UCK2: variants seen among roughly 807,000 people sequenced by gnomAD.
The protein encoded by UCK2 is uridine-cytidine kinase 2.
In UCK2, 6 loss-of-function variants were observed where a neutral mutation model predicts 30.8. The ratio of observed to expected loss-of-function variants is 0.19; its 90% confidence interval spans 0.11 to 0.38. The LOEUF (loss-of-function observed/expected upper bound fraction) is 0.38, where lower values mean the gene tolerates loss of function less well. Among genes scored for constraint, UCK2 ranks in the 10% least tolerant of loss-of-function variants. The pLI, the probability that UCK2 is intolerant of heterozygous loss-of-function variation, is 1.00. For missense variants in UCK2, 210 were observed against 339.8 expected (o/e 0.62, Z 3.00); for synonymous variants, 125 against 133.6 (o/e 0.94, Z 0.45).
At chr1:165,857,344 T>C (rs931428593) in intron 1 of UCK2, among the ~76,000 whole-genome samples, 5 of 152,170 alleles carry the variant, frequency 3.3e-5, no homozygotes, top group Admixed American at 6.5e-5. Context: ...AAACATTGAG[T>C]GTCTGTTGTA....
intron 4 of UCK2, among the ~76,000 whole-genome samples, chr1:165,896,771 C>T (rs913090685): frequency 6.6e-6 from 1 of 152,190 alleles, no homozygotes; most frequent in Non-Finnish European, 1.5e-5. Context: ...GCCTGCTTCT[C>T]TAGCCCTTTA....
chr1:165,864,711 A>T (rs1655004903), intron 1 of UCK2, among the ~76,000 whole-genome samples: 1 of 151,954 alleles, frequency 6.6e-6, no homozygotes, highest in Non-Finnish European at 1.5e-5. Flanking sequence ...ACACAGTCTT[A>T]CTCTTTCACT....
intron 4 of UCK2, 76 bp downstream of exon 4, chr1:165,896,408 C>T: frequency 6.5e-7 from 1 of 1,545,458 alleles, no homozygotes; most frequent in South Asian, 1.2e-5. Context: ...TGTGACAGGA[C>T]CCCACCCGCC....
At chr1:165,881,908 A>G (rs909287684) in intron 1 of UCK2, among the ~76,000 whole-genome samples, 2 of 152,242 alleles carry the variant, frequency 1.3e-5, no homozygotes, top group Non-Finnish European at 2.9e-5. Context: ...GTGACTGTTG[A>G]TCAGCCAGAA....
At chr1:165,868,602 G>T (rs903706928) in intron 1 of UCK2, among the ~76,000 whole-genome samples, 9 of 152,190 alleles carry the variant, frequency 5.9e-5, no homozygotes, top group African/African-American at 2.2e-4. Context: ...GCCTCTGTTA[G>T]CTTCAAACTT....
chr1:165,829,193 G>A (rs1312081871), intron 1 of UCK2, among the ~76,000 whole-genome samples: 3 of 152,110 alleles, frequency 2.0e-5, no homozygotes, highest in Non-Finnish European at 4.4e-5. Context: ...CGTAGCTCCC[G>A]GGGTTAGGAA....
chr1:165,840,160 C>T (rs1009103740), intron 1 of UCK2, among the ~76,000 whole-genome samples: 2 of 152,206 alleles, frequency 1.3e-5, no homozygotes, highest in African/African-American at 4.8e-5. Flanking sequence ...CTCAAGTTAT[C>T]CCCCGGCATT....
In UCK2 at chr1:165,890,301, G is replaced by A; in HGVS notation, c.197G>A (p.Arg66His). Residue 66 changes from arginine to histidine, a missense_variant, in exon 2 of 7, where the codon CGT (arginine) becomes CAT (histidine). By Grantham distance (29) the Arg-to-His change is conservative. Around this residue, in one of 4 missense-constraint regions of UCK2, gnomAD observed 75 missense variants for 124.7 expected, o/e 0.60. Coordinates refer to ENST00000367879, the MANE Select transcript of UCK2 (RefSeq NM_012474.5). ...ATCCTGAGCCAGGATAGCTTCTACC[G>A]TGTCCTTACCTCGGAGCAGAAGGCC... ...VVILSQDSFY[R>H]VLTSEQKAKA... is the part of the protein sequence containing the mutation. 6.2e-7 allele frequency: 1 copy of A among 1,614,098 alleles called. No homozygotes were observed. Among genetic ancestry groups the A allele is most frequent in the Non-Finnish European group, 8.5e-7 (1 of 1,180,030 alleles).
intron 1 of UCK2, among the ~76,000 whole-genome samples, chr1:165,835,822 TCA>T (rs1334378334): frequency 2.6e-5 from 4 of 152,246 alleles, no homozygotes; most frequent in Non-Finnish European, 5.9e-5. Context: ...GGTCGTTCTA[TCA>T]CACGTGACAG....
chr1:165,860,340 T>G (rs1654864270), intron 1 of UCK2, among the ~76,000 whole-genome samples: 2 of 152,204 alleles, frequency 1.3e-5, no homozygotes, highest in Non-Finnish European at 2.9e-5. Flanking sequence ...GCTTTTCCAA[T>G]TGCTTTTCTA....
chr1:165,846,479 G>A (rs1654452530), intron 1 of UCK2, among the ~76,000 whole-genome samples: 1 of 151,562 alleles, frequency 6.6e-6, no homozygotes, highest in South Asian at 2.1e-4. Context: ...ACATCTGGAA[G>A]TTGGTCAAGT....
chr1:165,882,917 C>T (rs573830298), intron 1 of UCK2, among the ~76,000 whole-genome samples: 132 of 152,196 alleles, frequency 8.7e-4, no homozygotes, highest in African/African-American at 3.2e-3. Flanking sequence ...CTCTGCCTCC[C>T]GGGTTCAAGC....
intron 5 of UCK2, chr1:165,903,970 G>A (rs1374791572): frequency 1.3e-5 from 2 of 152,434 alleles, no homozygotes; most frequent in African/African-American, 4.8e-5. Flanking sequence ...GCTGCAGAAG[G>A]AGAAGTATTT....
chr1:165,903,251 A>G lies in UCK2; in HGVS notation c.569A>G (p.Lys190Arg). 6.2e-7 allele frequency: 1 copy of G among 1,614,068 alleles called. No individual in the cohort carries two copies. Among genetic ancestry groups the G allele is most frequent in the Non-Finnish European group, 8.5e-7 (1 of 1,179,990 alleles). The change falls in exon 5 of 7, where the codon AAG becomes AGG. Residue 190 changes from lysine to arginine, a missense_variant. Physicochemically the swap from Lys to Arg is conservative, Grantham distance 26. Transcript: ENST00000367879. ...TTATCTCAGTACATTACGTTCGTCA[A>G]GCCTGCCTTTGAGGAATTCTGCTTG... is the stretch of plus-strand genomic sequence containing the variant. ...QILSQYITFVKPAFEEFCLPT... is the reference protein window; with the variant it reads ...QILSQYITFVRPAFEEFCLPT...
chr1:165,891,302 T>C lies in UCK2; in HGVS notation c.336T>C (p.Tyr112=). 1.2e-6 allele frequency: 2 copies of C among 1,614,242 alleles called. No individual in the cohort carries two copies. The highest frequency in any genetic ancestry group is 4.5e-5 in the East Asian group (2 of 44,888). Reference sequence around the variant, plus strand: ...GGAAAACAGTCCAGATCCCCGTGTATGACTTTGTCTCCCATTCCCGGTAAG... The same window carrying C: ...GGAAAACAGTCCAGATCCCCGTGTACGACTTTGTCTCCCATTCCCGGTAAG... The part of the protein sequence containing the change: ...TEGKTVQIPV[Y]DFVSHSRKEE... The change falls in exon 3 of 7, where the codon TAT becomes TAC. Residue 112 remains tyrosine (Y), a synonymous_variant. Transcript: ENST00000367879.
chr1:165,872,282 C>T (rs1655215267), intron 1 of UCK2, among the ~76,000 whole-genome samples: 1 of 152,156 alleles, frequency 6.6e-6, no homozygotes, highest in Admixed American at 6.5e-5. Flanking sequence ...GCCATGTTGG[C>T]CAGGCTGGTC....
chr1:165,845,192 A>G (rs1654419138), intron 1 of UCK2, among the ~76,000 whole-genome samples: 2 of 152,140 alleles, frequency 1.3e-5, no homozygotes, highest in Non-Finnish European at 2.9e-5. Context: ...ATTACAGGAC[A>G]TCCAGCTGGT....
chr1:165,869,531 A>G (rs1571282062), intron 1 of UCK2, among the ~76,000 whole-genome samples: 3 of 151,986 alleles, frequency 2.0e-5, no homozygotes, highest in Admixed American at 2.0e-4. Flanking sequence ...ATACAAGTTC[A>G]CATTCCTGCC....
At chr1:165,846,726 A>G (rs1654459654) in intron 1 of UCK2, among the ~76,000 whole-genome samples, 1 of 152,212 alleles carries the variant, frequency 6.6e-6, no homozygotes, top group African/African-American at 2.4e-5. Flanking sequence ...TTCTTTGTCA[A>G]GTTGGCAACA....
Sources: gnomAD v4.1 joint callset for allele counts (sites outside exome capture counted in the v4.1 genomes callset) on GRCh38, gnomAD v4.1.1 for gene constraint, gnomAD v4.1.1 regional missense constraint, MANE v1.5 for transcripts, NCBI Gene and HGNC (gene_info 2026-07-23, HGNC 2026-07-21) for gene names.